SPRING1: variants seen among roughly 807,000 people sequenced by gnomAD.
SPRING1 encodes the protein SREBP regulating gene protein.
SPRING1 carries 14 observed loss-of-function variants against 24.7 expected under a neutral mutation model. That is an observed-to-expected ratio of 0.57 (90% CI 0.37 to 0.88). The LOEUF (loss-of-function observed/expected upper bound fraction) is 0.88. Among genes scored for constraint, SPRING1 ranks in the 40% least tolerant of loss-of-function variants. The pLI, the probability that SPRING1 is intolerant of heterozygous loss-of-function variation, is 0.00. For synonymous variants in SPRING1, 93 were observed against 106.1 expected (o/e 0.88, Z 0.76); for missense variants, 255 against 268.4 (o/e 0.95, Z 0.35).
At chr12:116,724,679 AAAAC>A (rs755779325) in intron 1 of SPRING1, among the ~76,000 whole-genome samples, 16 of 152,226 alleles carry the variant, frequency 1.1e-4, no homozygotes, top group East Asian at 1.9e-4. Context: ...CTCCATCTCA[AAAAC>A]AAACAAACAA....
intron 1 of SPRING1, among the ~76,000 whole-genome samples, chr12:116,733,251 C>T (rs1424573555): frequency 6.6e-6 from 1 of 151,838 alleles, no homozygotes; most frequent in Non-Finnish European, 1.5e-5. Flanking sequence ...GGTGCGATCT[C>T]GGCTCACTGC....
chr12:116,717,789 G>A lies in SPRING1; in HGVS notation c.*21C>T, dbSNP rs371841873. ...TCAGCGGGGCCTCCTCACCCAGGCT[G>A]GAGCAAGTCCGCTGCACCCGTCAAG... is the stretch of plus-strand genomic sequence containing the variant. On this transcript the variant is annotated 3_prime_UTR_variant, in exon 5 of 5. Coordinates refer to ENST00000261318, the MANE Select transcript of SPRING1 (RefSeq NM_024738.4). This position sits in a 1 kb window ranked among gnomAD's most constrained non-coding sequence, Gnocchi z 4.2. The A allele has an allele frequency of 2.6e-6, 4 of 1,567,072 alleles. No homozygotes were observed. In the African/African-American group the frequency reaches 5.4e-5, roughly 21 times the overall value.
intron 1 of SPRING1, among the ~76,000 whole-genome samples, chr12:116,729,125 T>C (rs570245206): frequency 1.3e-5 from 2 of 152,342 alleles, no homozygotes; most frequent in Non-Finnish European, 2.9e-5. Flanking sequence ...AATGTTTTTA[T>C]ATTTCTGCAA....
Position 116,713,831 on chromosome 12 carries a change from G to GA in SPRING1, c.*3978dup, listed in dbSNP as rs1350777304. 9.2e-5 allele frequency: 14 copies of GA among 152,168 alleles called. No individual in the cohort carries two copies. The highest frequency in any genetic ancestry group is 3.1e-4 in the African/African-American group (13 of 41,446). 9.4% of individuals were successfully genotyped at this position (152,168 alleles called of 1,614,324 possible). A position where few individuals can be genotyped will look rare whatever the true frequency, so the allele number is the denominator to read the frequency against. Reference sequence around the variant, plus strand: ...GACAAAGTACTTTCATTTTTGCCTAGAAAATGGGGGAAGACAAAAATGCGC... The same window carrying GA: ...GACAAAGTACTTTCATTTTTGCCTAGAAAAATGGGGGAAGACAAAAATGCGC... On this transcript the variant is annotated 3_prime_UTR_variant, in exon 5 of 5. Transcript: ENST00000261318.
intron 1 of SPRING1, among the ~76,000 whole-genome samples, chr12:116,729,708 G>A (rs75684962): frequency 2.6e-5 from 4 of 152,176 alleles, no homozygotes; most frequent in East Asian, 1.9e-4. Context: ...AAATGCAAAC[G>A]CCAATCAAAA....
At chr12:116,722,310 T>C (rs1870474661) in intron 2 of SPRING1, among the ~76,000 whole-genome samples, 1 of 152,132 alleles carries the variant, frequency 6.6e-6, no homozygotes, top group Non-Finnish European at 1.5e-5. Flanking sequence ...CCCAAATTAA[T>C]CAAAAGAATA....
At chr12:116,729,123 T>C (rs79750270) in intron 1 of SPRING1, among the ~76,000 whole-genome samples, 20,154 of 152,226 alleles carry the variant, frequency 0.13, 1,882 homozygotes, top group African/African-American at 0.26. Flanking sequence ...GCAATGTTTT[T>C]ATATTTCTGC....
intron 1 of SPRING1, among the ~76,000 whole-genome samples, chr12:116,725,253 G>A (rs987439682): frequency 2.6e-5 from 4 of 152,096 alleles, no homozygotes; most frequent in African/African-American, 4.8e-5. Flanking sequence ...GCAACCTCAC[G>A]CCATCCCATT....
intron 1 of SPRING1, among the ~76,000 whole-genome samples, chr12:116,727,909 T>G (rs910524338): frequency 6.6e-6 from 1 of 152,132 alleles, no homozygotes; most frequent in African/African-American, 2.4e-5. Context: ...TAATAATCAG[T>G]GCAAAACAAA....
chr12:116,721,706 C>T (rs555044652), intron 2 of SPRING1, among the ~76,000 whole-genome samples: 29 of 152,286 alleles, frequency 1.9e-4, no homozygotes, highest in African/African-American at 6.5e-4. Context: ...GGACTAGAAA[C>T]AAACACAAAA....
intron 1 of SPRING1, 91 bp downstream of exon 1, chr12:116,737,699 G>C: frequency 1.5e-6 from 2 of 1,337,588 alleles, no homozygotes; most frequent in Non-Finnish European, 9.8e-7. Context: ...GAAAAAAGGA[G>C]GAAGGTAACG....
Position 116,717,670 on chromosome 12 carries a change from G to T in SPRING1, c.*140C>A. On this transcript the variant is annotated 3_prime_UTR_variant, in exon 5 of 5. Transcript: ENST00000261318. This position sits in a 1 kb window ranked among gnomAD's most constrained non-coding sequence, Gnocchi z 4.2. ...AGCGAAGCCAAAGATGACAACACGA[G>T]AAGGGGTCAAAGCCAAGGTTTCCTC... 1.4e-6 allele frequency: 1 copy of T among 697,698 alleles called. No homozygotes were observed. Among genetic ancestry groups the T allele is most frequent in the Non-Finnish European group, 2.3e-6 (1 of 432,576 alleles). 43.2% of individuals were successfully genotyped at this position (697,698 alleles called of 1,614,324 possible).
chr12:116,724,592 G>A (rs892283752), intron 1 of SPRING1, among the ~76,000 whole-genome samples: 2 of 152,010 alleles, frequency 1.3e-5, no homozygotes, highest in East Asian at 1.9e-4. Context: ...TGGTAGAATT[G>A]CATGAACCCA....
chr12:116,731,802 G>A (rs987987935), intron 1 of SPRING1, among the ~76,000 whole-genome samples: 1 of 152,102 alleles, frequency 6.6e-6, no homozygotes, highest in South Asian at 2.1e-4. Flanking sequence ...AAGCCTCAGT[G>A]GCTTCACAGA....
rs1490783606 is a variant in SPRING1, at chr12:116,717,288, A to T, written c.*522T>A. The T allele has an allele frequency of 6.6e-6, 1 of 152,444 alleles. No individual in the cohort carries two copies. Among genetic ancestry groups the T allele is most frequent in the East Asian group, 1.9e-4 (1 of 5,192 alleles). 9.4% of individuals were successfully genotyped at this position (152,444 alleles called of 1,614,324 possible). On this transcript the variant is annotated 3_prime_UTR_variant, in exon 5 of 5. Coordinates refer to ENST00000261318, the MANE Select transcript of SPRING1 (RefSeq NM_024738.4). The surrounding 1 kb of genome is among the most constrained non-coding windows in gnomAD (Gnocchi z 4.2). ...AGAGAAAATGTTGTATCTGGGTGGA[A>T]GAATGATTTAACTCCTGAAACTCGA...
At chr12:116,737,687 A>G in intron 1 of SPRING1, 103 bp downstream of exon 1, 1 of 1,264,674 alleles carries the variant, frequency 7.9e-7, no homozygotes. Context: ...ACAGGGAGGA[A>G]GGAAAAAAGG....
In SPRING1 at chr12:116,738,031, A is replaced by T. The variant is rs574507706; in HGVS notation, c.-131T>A. ...GCGCCGGCCCCGCCGCCCGCAGCCC[A>T]GTCTGCTCCCGGCAGCCTTGGGCGC... On this transcript the variant is annotated 5_prime_UTR_variant, in exon 1 of 5. Coordinates refer to ENST00000261318, the MANE Select transcript of SPRING1 (RefSeq NM_024738.4). 1 of 1,100,764 alleles carries T rather than the reference A, an allele frequency of 9.1e-7. No homozygotes were observed. Among genetic ancestry groups the T allele is most frequent in the Non-Finnish European group, 1.1e-6 (1 of 904,420 alleles). The allele number at this position is 1,100,764 out of a possible 1,614,324, so 68.2% of individuals were successfully genotyped here.
chr12:116,722,018 A>C (rs1231712814), intron 2 of SPRING1, among the ~76,000 whole-genome samples: 1 of 152,220 alleles, frequency 6.6e-6, no homozygotes, highest in East Asian at 1.9e-4. Context: ...GTAAGATCAC[A>C]ACCTCATACT....
rs1870010764 is a variant in SPRING1 at position 116,714,328 on chromosome 12, C to T, written c.*3482G>A. The T allele has an allele frequency of 6.6e-6, 1 of 152,258 alleles. No homozygotes were observed. The highest frequency in any genetic ancestry group is 1.5e-5 in the Non-Finnish European group (1 of 68,048). The allele number at this position is 152,258 out of a possible 1,614,324, so 9.4% of individuals were successfully genotyped here. A position where few individuals can be genotyped will look rare whatever the true frequency, so the allele number is the denominator to read the frequency against. Reference sequence around the variant, plus strand: ...CTGATCCCAAGGATGGGAAAAGCTGCACTCAGAAACTTGCAAATTGTGCAA... The same window carrying T: ...CTGATCCCAAGGATGGGAAAAGCTGTACTCAGAAACTTGCAAATTGTGCAA... On this transcript the variant is annotated 3_prime_UTR_variant, in exon 5 of 5. Coordinates refer to ENST00000261318, the MANE Select transcript of SPRING1 (RefSeq NM_024738.4).
Sources: gnomAD v4.1 joint callset for allele counts (sites outside exome capture counted in the v4.1 genomes callset) on GRCh38, gnomAD v4.1.1 for gene constraint, Gnocchi (gnomAD v3.1) non-coding constraint, MANE v1.5 for transcripts, NCBI Gene and HGNC (gene_info 2026-07-23, HGNC 2026-07-21) for gene names.